The following ADD1 variants were observed in gnomAD, a reference collection of about 807,000 sequenced individuals.
The protein encoded by ADD1 is alpha-adducin.
In ADD1, 24 loss-of-function variants were observed where a neutral mutation model predicts 80.5. The observed-to-expected ratio is 0.30, with a 90% CI of 0.22 to 0.42. The LOEUF is 0.42. Ranked by LOEUF, ADD1 falls within the 10% of genes least tolerant of loss-of-function variation. ADD1 has a pLI of 1.00. For missense variants in ADD1, 948 were observed against 1,019.0 expected, an observed-to-expected ratio of 0.93 and a Z score of 0.95; for synonymous variants, 373 against 393.8, an observed-to-expected ratio of 0.95 and a Z score of 0.63.
rs1305525036 is a variant in ADD1 at position 2,913,746 on chromosome 4, C to T, written c.1792-1138C>T. The stretch of plus-strand genomic sequence containing the variant: ...ATTTCCCGAGTCAGCCCAGCTAGGA[C>T]GCTCTCCATCTCTGGTGTTCACTCC... On this transcript the variant is annotated intron_variant, in intron 13 of 15. Coordinates refer to ENST00000683351, the MANE Select transcript of ADD1 (RefSeq NM_001354761.2). Among the ~76,000 whole-genome samples the T allele has an allele frequency of 2.0e-5, 3 of 152,042 alleles. No homozygotes were observed. The South Asian group carries it at 6.2e-4, about 32-fold the overall frequency.
intron 9 of ADD1, among the ~76,000 whole-genome samples, chr4:2,904,503 A>G (rs1344523162): frequency 1.3e-5 from 2 of 152,230 alleles, no homozygotes; most frequent in Non-Finnish European, 2.9e-5. Flanking sequence ...AAGACACTAG[A>G]CTATCCATCT....
At chr4:2,923,061 TAG>T (rs1740340431) in intron 14 of ADD1, among the ~76,000 whole-genome samples, 1 of 152,230 alleles carries the variant, frequency 6.6e-6, no homozygotes, top group Non-Finnish European at 1.5e-5. Flanking sequence ...CAGTGGATCT[TAG>T]CTTGCTGGGC....
chr4:2,888,321 C>T (rs894740645), intron 4 of ADD1, among the ~76,000 whole-genome samples: 8 of 151,848 alleles, frequency 5.3e-5, no homozygotes, highest in African/African-American at 1.2e-4. Context: ...TCAAGCGATC[C>T]GCCTGCCTCG....
Position 2,928,449 on chromosome 4 carries a change from T to G in ADD1, c.2326T>G (p.Ser776Ala). The change falls in exon 16 of 16, where the codon TCC (serine) becomes GCC (alanine). Residue 776 changes from serine (S) to alanine (A), a missense_variant. By Grantham distance (99) the Ser-to-Ala change is moderately conservative. Transcript: ENST00000683351. Reference sequence around the variant, plus strand: ...TGGCAGCGATGGGTCTCCAGGCAAGTCCCCGTCCAAAAAGAAGAAGAAGTT... The same window carrying G: ...TGGCAGCGATGGGTCTCCAGGCAAGGCCCCGTCCAAAAAGAAGAAGAAGTT... ...DPGSDGSPGK[S>A]PSKKKKKFRT... The G allele has an allele frequency of 6.2e-7, 1 of 1,613,348 alleles. No individual in the cohort carries two copies. Among genetic ancestry groups the G allele is most frequent in the Non-Finnish European group, 8.5e-7 (1 of 1,179,932 alleles).
intron 1 of ADD1, among the ~76,000 whole-genome samples, chr4:2,869,768 C>T (rs1327876046): frequency 1.3e-5 from 2 of 152,086 alleles, no homozygotes; most frequent in Admixed American, 6.6e-5. Context: ...ATTTATTATG[C>T]GCCAGGAGTT....
chr4:2,848,911 T>C (rs190483814), intron 1 of ADD1, among the ~76,000 whole-genome samples: 25 of 152,350 alleles, frequency 1.6e-4, no homozygotes, highest in Admixed American at 1.4e-3. Flanking sequence ...GCACTTTTCA[T>C]TTGCATAGAC....
chr4:2,890,328 A>C (rs1734100406), intron 4 of ADD1, among the ~76,000 whole-genome samples: 1 of 152,226 alleles, frequency 6.6e-6, no homozygotes, highest in Non-Finnish European at 1.5e-5. Context: ...AAAAATATGA[A>C]AAGTTACTGA....
At chr4:2,918,767 A>G (rs919066682) in intron 14 of ADD1, among the ~76,000 whole-genome samples, 2 of 151,778 alleles carry the variant, frequency 1.3e-5, no homozygotes, top group African/African-American at 4.8e-5. Context: ...GTCTATTGAG[A>G]TAATCATGTG....
intron 14 of ADD1, among the ~76,000 whole-genome samples, chr4:2,921,866 T>A (rs1439167859): frequency 1.3e-5 from 2 of 151,972 alleles, no homozygotes; most frequent in Non-Finnish European, 2.9e-5. Context: ...ATCTTTACAC[T>A]TTATTTCATT....
intron 2 of ADD1, among the ~76,000 whole-genome samples, chr4:2,880,267 G>A (rs1560179567): frequency 6.6e-6 from 1 of 151,910 alleles, no homozygotes; most frequent in Non-Finnish European, 1.5e-5. Flanking sequence ...TTAATTAACA[G>A]CAATACATCT....
chr4:2,924,641 C>CA (rs1740667122), intron 14 of ADD1, among the ~76,000 whole-genome samples: 1 of 152,188 alleles, frequency 6.6e-6, no homozygotes, highest in Non-Finnish European at 1.5e-5. Flanking sequence ...CGTTCTAGAC[C>CA]AGCCACTGCA....
chr4:2,848,236 TTAACA>T (rs1726548638), intron 1 of ADD1, among the ~76,000 whole-genome samples: 1 of 152,064 alleles, frequency 6.6e-6, no homozygotes, highest in Non-Finnish European at 1.5e-5. Context: ...AATAGGAATC[TTAACA>T]TAGCATAATA....
At chr4:2,850,423 GCC>G (rs1726895302) in intron 1 of ADD1, among the ~76,000 whole-genome samples, 2 of 151,102 alleles carry the variant, frequency 1.3e-5, no homozygotes, top group South Asian at 4.2e-4. Context: ...GTGCCACCAT[GCC>G]CGGCTGATTT....
chr4:2,896,157 G>A lies in ADD1; in HGVS notation c.741+1426G>A, dbSNP rs552220533. 2.6e-5 allele frequency among the ~76,000 whole-genome samples: 4 copies of A among 152,110 alleles called. No individual in the cohort carries two copies. In the East Asian group the frequency reaches 7.7e-4, roughly 29 times the overall value. ...CCGCTTCGGCCTCCCAAAGTGCTGG[G>A]ATTACAGGTGTGAGCCACTGCACCC... On this transcript the variant is annotated intron_variant, in intron 6 of 15. Coordinates refer to ENST00000683351, the MANE Select transcript of ADD1 (RefSeq NM_001354761.2).
At chr4:2,864,826 G>T (rs1357751816) in intron 1 of ADD1, among the ~76,000 whole-genome samples, 3 of 152,084 alleles carry the variant, frequency 2.0e-5, no homozygotes, top group Non-Finnish European at 4.4e-5. Context: ...TGAGTTTTTG[G>T]TTTTTTAAGA....
intron 2 of ADD1, among the ~76,000 whole-genome samples, chr4:2,881,298 C>T (rs938338888): frequency 7.9e-5 from 12 of 151,900 alleles, no homozygotes; most frequent in South Asian, 6.2e-4. Context: ...AGGCTGGTCT[C>T]GAACTCCTGA....
intron 1 of ADD1, among the ~76,000 whole-genome samples, chr4:2,873,244 G>T (rs1440392897): frequency 6.6e-6 from 1 of 151,974 alleles, no homozygotes; most frequent in Non-Finnish European, 1.5e-5. Context: ...CACTTGCCTC[G>T]GCCTCCCAAA....
intron 9 of ADD1, among the ~76,000 whole-genome samples, chr4:2,903,303 A>G (rs185167577): frequency 3.3e-5 from 5 of 152,316 alleles, no homozygotes; most frequent in African/African-American, 1.2e-4. Context: ...TGTTGAGCAG[A>G]CAGCTCTTCA....
chr4:2,876,907 C>A (rs1371442566), intron 2 of ADD1, among the ~76,000 whole-genome samples: 1 of 150,612 alleles, frequency 6.6e-6, no homozygotes, highest in Non-Finnish European at 1.5e-5. Flanking sequence ...GCGGCTGAGG[C>A]AGGAGAATCA....
Sources: allele counts gnomAD v4.1 joint callset (sites outside exome capture counted in the v4.1 genomes callset), GRCh38; gene constraint gnomAD v4.1.1; transcripts MANE v1.5; gene names NCBI Gene and HGNC (gene_info 2026-07-23, HGNC 2026-07-21).